The following TRMT9B variants were observed in gnomAD, a reference collection of about 807,000 sequenced individuals.
The protein encoded by TRMT9B is probable tRNA methyltransferase 9B.
Under a neutral mutation model 11.5 loss-of-function variants are expected in TRMT9B, and 16 were observed. That is an observed-to-expected ratio of 1.39 (90% CI 0.94 to 2.11). The LOEUF (loss-of-function observed/expected upper bound fraction) is 2.11. Among genes scored for constraint, TRMT9B ranks in the 30% most tolerant of loss-of-function variants. The pLI is 0.00. For missense variants in TRMT9B, 941 were observed against 553.8 expected, an observed-to-expected ratio of 1.70 and a Z score of -7.02; for synonymous variants, 274 against 192.4, an observed-to-expected ratio of 1.42 and a Z score of -3.51.
At position 13,017,130 on chromosome 8, in the gene TRMT9B, C is replaced by A. The variant is rs142483456; in HGVS notation, c.329-3878C>A. On this transcript the variant is annotated intron_variant, in intron 4 of 4. Coordinates refer to ENST00000524591, the MANE Select transcript of TRMT9B (RefSeq NM_020844.3). ...AGAGCAAGACTGCGTCTCAAAAAAA[C>A]CCCGAATTATCTAGCCCAAAATGTC... Among the ~76,000 whole-genome samples, 6 of 152,010 alleles carry A rather than the reference C, an allele frequency of 3.9e-5. No homozygotes were observed. In the East Asian group the frequency reaches 1.2e-3, roughly 29 times the overall value.
In TRMT9B at chr8:13,012,803, A is replaced by T. The variant is rs1811899445; in HGVS notation, c.274A>T (p.Asn92Tyr). 2.5e-6 allele frequency: 4 copies of T among 1,613,980 alleles called. No homozygotes were observed. The highest frequency in any genetic ancestry group is 3.4e-6 in the Non-Finnish European group (4 of 1,179,874). Reference sequence around the variant, plus strand: ...AGGATGTGAAGCCATGGTATGTGACAACCTTAATCTCCCCTTTAGGGATGA... The same window carrying T: ...AGGATGTGAAGCCATGGTATGTGACTACCTTAATCTCCCCTTTAGGGATGA... ...NRGCEAMVCD[N>Y]LNLPFRDEGF... Residue 92 changes from asparagine (N) to tyrosine (Y), a missense_variant, in exon 4 of 5, where the codon AAC (asparagine) becomes TAC (tyrosine). Coordinates refer to ENST00000524591, the MANE Select transcript of TRMT9B (RefSeq NM_020844.3).
chr8:13,004,804 T>C lies in TRMT9B; in HGVS notation c.-1-1398T>C, dbSNP rs371343527. Among the ~76,000 whole-genome samples, 171 of 152,074 alleles carry C rather than the reference T, an allele frequency of 1.1e-3. 1 individual carries two copies. The highest frequency in any genetic ancestry group is 4.0e-3 in the African/African-American group (164 of 41,506). On this transcript the variant is annotated intron_variant, in intron 2 of 4. Coordinates refer to ENST00000524591, the MANE Select transcript of TRMT9B (RefSeq NM_020844.3). ...AAGTGGAGGGACAAGGAAAGGGGACTTTGCCTTGCACATTAGGTACCAGCT... is the reference window on the plus strand; with the variant it reads ...AAGTGGAGGGACAAGGAAAGGGGACCTTGCCTTGCACATTAGGTACCAGCT...
Position 13,029,271 on chromosome 8 carries a change from G to T in TRMT9B, c.*7227G>T, listed in dbSNP as rs1271017422. On this transcript the variant is annotated 3_prime_UTR_variant, in exon 5 of 5. Coordinates refer to ENST00000524591, the MANE Select transcript of TRMT9B (RefSeq NM_020844.3). ...TCTTCTCGTGTTGATACGTGTATTT[G>T]GGTCAAAAGTGCAAAAACTTTTTTC... 1 of 166,896 alleles carries T rather than the reference G, an allele frequency of 6.0e-6. No individual in the cohort carries two copies. The highest frequency in any genetic ancestry group is 1.5e-5 in the Non-Finnish European group (1 of 68,092). The allele number at this position is 166,896 out of a possible 1,614,324, so 10.3% of individuals were successfully genotyped here.
chr8:13,021,494 A>G lies in TRMT9B; in HGVS notation c.815A>G (p.Lys272Arg). The G allele has an allele frequency of 6.2e-7, 1 of 1,613,708 alleles. No individual in the cohort carries two copies. The highest frequency in any genetic ancestry group is 8.5e-7 in the Non-Finnish European group (1 of 1,179,662). ...RKQIERVRPLKNTEVWASSTV... is the reference protein window; with the variant it reads ...RKQIERVRPLRNTEVWASSTV... ...CAAATTGAAAGAGTAAGACCCTTGA[A>G]AAACACAGAAGTTTGGGCCAGTAGC... The change falls in exon 5 of 5, where the codon AAA becomes AGA. Residue 272 changes from lysine (K) to arginine (R), a missense_variant. Physicochemically the swap from Lys to Arg is conservative, Grantham distance 26. Coordinates refer to ENST00000524591, the MANE Select transcript of TRMT9B (RefSeq NM_020844.3).
chr8:12,958,152 T>C (rs1473352295), intron 1 of TRMT9B, among the ~76,000 whole-genome samples: 1 of 152,236 alleles, frequency 6.6e-6, no homozygotes, highest in Non-Finnish European at 1.5e-5. Context: ...CATGTTATAG[T>C]GTATATCAGA....
At chr8:12,991,639 T>C (rs535716483) in intron 2 of TRMT9B, among the ~76,000 whole-genome samples, 1 of 152,144 alleles carries the variant, frequency 6.6e-6, no homozygotes, top group Admixed American at 6.5e-5. Context: ...ATTGTACCTA[T>C]AATACAGACC....
chr8:12,996,813 C>A lies in TRMT9B; in HGVS notation c.-2+5782C>A, dbSNP rs548041476. On this transcript the variant is annotated intron_variant, in intron 2 of 4. Transcript: ENST00000524591. ...TGTAACCCGAGCCCAGATCAAGAAACAGAACATTATCAGCACCCCAGGACC... is the reference window on the plus strand; with the variant it reads ...TGTAACCCGAGCCCAGATCAAGAAAAAGAACATTATCAGCACCCCAGGACC... Among the ~76,000 whole-genome samples the A allele has an allele frequency of 1.0e-3, 156 of 152,188 alleles. 1 individual carries two copies. The highest frequency in any genetic ancestry group is 3.2e-3 in the African/African-American group (134 of 41,524).
chr8:12,954,904 T>G (rs1181540627), intron 1 of TRMT9B, among the ~76,000 whole-genome samples: 1 of 152,222 alleles, frequency 6.6e-6, no homozygotes, highest in Non-Finnish European at 1.5e-5. Context: ...AGCCCAGCTC[T>G]GAGCCATTTC....
At chr8:13,001,273 A>C (rs2460369) in intron 2 of TRMT9B, among the ~76,000 whole-genome samples, 5,892 of 152,186 alleles carry the variant, frequency 0.039, 150 homozygotes, top group African/African-American at 0.07. Context: ...AGTCTCACCC[A>C]TGGACTGGTT....
At chr8:12,948,887 G>T (rs964519926) in intron 1 of TRMT9B, among the ~76,000 whole-genome samples, 15 of 152,162 alleles carry the variant, frequency 9.9e-5, no homozygotes, top group South Asian at 2.1e-4. Context: ...GTGAACCTGG[G>T]AGGCGGAGCT....
In TRMT9B at chr8:13,023,384, T is replaced by C. The variant is rs568264537; in HGVS notation, c.*1340T>C. The stretch of plus-strand genomic sequence containing the variant: ...AAATAGTATCTGGGCATTTATTTTA[T>C]TGAAGGTGACTACATTTTATTAGTT... On this transcript the variant is annotated 3_prime_UTR_variant, in exon 5 of 5. Coordinates refer to ENST00000524591, the MANE Select transcript of TRMT9B (RefSeq NM_020844.3). 3.6e-5 allele frequency: 6 copies of C among 167,236 alleles called. No homozygotes were observed. Among genetic ancestry groups the C allele is most frequent in the Non-Finnish European group, 8.8e-5 (6 of 68,116 alleles). The allele number at this position is 167,236 out of a possible 1,614,324, so 10.4% of individuals were successfully genotyped here.
At chr8:12,977,508 C>A (rs1368036466) in intron 1 of TRMT9B, among the ~76,000 whole-genome samples, 1 of 151,982 alleles carries the variant, frequency 6.6e-6, no homozygotes, top group East Asian at 1.9e-4. Flanking sequence ...CGAGACCATC[C>A]CGGCCAACAT....
chr8:12,964,344 C>G (rs1585110053), intron 1 of TRMT9B, among the ~76,000 whole-genome samples: 1 of 152,176 alleles, frequency 6.6e-6, no homozygotes, highest in Non-Finnish European at 1.5e-5. Context: ...GGCCTCCTAG[C>G]TTCTGTGAAA....
chr8:12,966,182 C>T (rs28608103), intron 1 of TRMT9B, among the ~76,000 whole-genome samples: 3,356 of 151,818 alleles, frequency 0.022, 143 homozygotes, highest in African/African-American at 0.077. Context: ...GTGAAAAAAA[C>T]AGTAGCCTGG....
intron 1 of TRMT9B, among the ~76,000 whole-genome samples, chr8:12,963,629 T>G (rs1190525436): frequency 6.6e-6 from 1 of 151,584 alleles, no homozygotes; most frequent in East Asian, 2.0e-4. Context: ...GTGCCTGTAG[T>G]TCTAGCTACT....
rs1585481783 is a variant in TRMT9B at position 13,029,716 on chromosome 8, G to C, written c.*7672G>C. 1.3e-5 allele frequency: 2 copies of C among 153,100 alleles called. No individual in the cohort carries two copies. The highest frequency in any genetic ancestry group is 2.9e-5 in the Non-Finnish European group (2 of 68,044). 9.5% of individuals were successfully genotyped at this position (153,100 alleles called of 1,614,324 possible). On this transcript the variant is annotated 3_prime_UTR_variant, in exon 5 of 5. Coordinates refer to ENST00000524591, the MANE Select transcript of TRMT9B (RefSeq NM_020844.3). ...AGATTATCTTTAATGGTTATTAAAA[G>C]AATGTTATTGACCAAAAAGACATAT...
intron 1 of TRMT9B, among the ~76,000 whole-genome samples, chr8:12,963,159 C>T (rs1802356939): frequency 6.6e-6 from 1 of 152,168 alleles, no homozygotes; most frequent in African/African-American, 2.4e-5. Context: ...GGCAGCTGGG[C>T]ATGGTGGCTC....
chr8:13,002,481 C>A lies in TRMT9B; in HGVS notation c.-1-3721C>A, dbSNP rs1809626975. 1.3e-5 allele frequency among the ~76,000 whole-genome samples: 2 copies of A among 152,234 alleles called. 1 individual carries two copies. Among genetic ancestry groups the A allele is most frequent in the Admixed American group, 1.3e-4 (2 of 15,288 alleles). On this transcript the variant is annotated intron_variant, in intron 2 of 4. Coordinates refer to ENST00000524591, the MANE Select transcript of TRMT9B (RefSeq NM_020844.3). ...ACTTCGTAAATTTCAGTTGAAGGTGCAACATAAGCTGTTTCAATTTGGGTG... is the reference window on the plus strand; with the variant it reads ...ACTTCGTAAATTTCAGTTGAAGGTGAAACATAAGCTGTTTCAATTTGGGTG...
chr8:12,976,987 T>G (rs1451894023), intron 1 of TRMT9B, among the ~76,000 whole-genome samples: 2 of 152,188 alleles, frequency 1.3e-5, no homozygotes, highest in African/African-American at 4.8e-5. Context: ...ATGCCCCAGA[T>G]GGAGGCCTGA....
Sources: gnomAD v4.1 joint callset for allele counts (sites outside exome capture counted in the v4.1 genomes callset) on GRCh38, gnomAD v4.1.1 for gene constraint, MANE v1.5 for transcripts, NCBI Gene and HGNC (gene_info 2026-07-23, HGNC 2026-07-21) for gene names.